The following KALRN variants were observed in gnomAD, a reference collection of about 807,000 sequenced individuals.
KALRN encodes the protein kalirin.
KALRN carries 70 observed loss-of-function variants against 353.7 expected under a neutral mutation model. The ratio of observed to expected loss-of-function variants is 0.20; its 90% confidence interval spans 0.16 to 0.24. The LOEUF is 0.24. Ranked by LOEUF, KALRN falls within the 10% of genes least tolerant of loss-of-function variation. The pLI is 1.00. For synonymous variants in KALRN, 1,391 were observed against 1,434.8 expected (o/e 0.97, Z 0.69); for missense variants, 2,791 against 3,756.7 (o/e 0.74, Z 6.72).
At chr3:124,470,856 T>G (rs1476986941) in intron 25 of KALRN, among the ~76,000 whole-genome samples, 1 of 152,218 alleles carries the variant, frequency 6.6e-6, no homozygotes, top group Non-Finnish European at 1.5e-5. Flanking sequence ...TTGTATTTAC[T>G]TCAGAGGTTT....
rs115648999 is a variant in KALRN, at chr3:124,551,532, G to A, written c.4936-11311G>A. 2.6e-3 allele frequency among the ~76,000 whole-genome samples: 398 copies of A among 152,294 alleles called. 1 individual carries two copies. Among genetic ancestry groups the A allele is most frequent in the African/African-American group, 9.4e-3 (392 of 41,548 alleles). ...CTGACCTAGAAAGAGGCAGATGCTC[G>A]AGGGTCCTGCTGGCTCCTAGCTAAG... On this transcript the variant is annotated intron_variant, in intron 33 of 59. Transcript: ENST00000682506.
chr3:124,137,369 C>T (rs1306319357), intron 1 of KALRN, among the ~76,000 whole-genome samples: 1 of 152,012 alleles, frequency 6.6e-6, no homozygotes, highest in African/African-American at 2.4e-5. Context: ...AGGCTGTGAG[C>T]CTGCTGGTCC....
At chr3:124,120,445 G>A (rs1560003823) in intron 1 of KALRN, among the ~76,000 whole-genome samples, 1 of 152,100 alleles carries the variant, frequency 6.6e-6, no homozygotes. Context: ...AAAGCTTAGC[G>A]AGCATGTTGA....
intron 33 of KALRN, among the ~76,000 whole-genome samples, chr3:124,512,990 G>A (rs1366796187): frequency 1.3e-5 from 2 of 152,280 alleles, no homozygotes; most frequent in Admixed American, 6.5e-5. Context: ...GGTGAGGGAC[G>A]AGCAGGTGCC....
chr3:124,072,323 C>T (rs1243522790), intron 1 of KALRN, among the ~76,000 whole-genome samples: 2 of 152,180 alleles, frequency 1.3e-5, no homozygotes, highest in African/African-American at 2.4e-5. Flanking sequence ...GTCTCTGTTC[C>T]TCTGTCTGTC....
chr3:124,161,452 C>T (rs183461390), intron 1 of KALRN, among the ~76,000 whole-genome samples: 2 of 152,244 alleles, frequency 1.3e-5, no homozygotes, highest in African/African-American at 2.4e-5. Flanking sequence ...GATCTGAGAT[C>T]GCTTCTCCCC....
rs937891532 is a variant in KALRN at position 124,068,137 on chromosome 3, G to T, written c.73+34324G>T. ...TGAAAATCTCATCATTGAGGGGGCA[G>T]GATGACAAAGTTTGGATAACTTAAC... is the stretch of plus-strand genomic sequence containing the variant. On this transcript the variant is annotated intron_variant, in intron 1 of 59. Transcript: ENST00000682506. 9.2e-5 allele frequency among the ~76,000 whole-genome samples: 14 copies of T among 152,202 alleles called. No individual in the cohort carries two copies. In the South Asian group the frequency reaches 1.2e-3, roughly 14 times the overall value.
At chr3:124,196,329 G>A (rs1275482034) in intron 1 of KALRN, among the ~76,000 whole-genome samples, 1 of 152,128 alleles carries the variant, frequency 6.6e-6, no homozygotes, top group Admixed American at 6.5e-5. Flanking sequence ...TCTTACTGCT[G>A]TTATTACAGA....
chr3:124,439,187 TTCTC>T lies in KALRN; in HGVS notation c.3198+161_3198+164del, dbSNP rs111880516. ...TTTCTCCTCCTCCTCCTTCTTCTCCTTCTCTCTCTCTCTCACACACACACACACA... is the reference window on the plus strand; with the variant it reads ...TTTCTCCTCCTCCTCCTTCTTCTCCTTCTCTCTCTCACACACACACACACA... On this transcript the variant is annotated intron_variant, in intron 18 of 59. Transcript: ENST00000682506. 3,515 of 478,764 alleles carry T rather than the reference TTCTC, an allele frequency of 7.3e-3. 35 individuals carry two copies. The highest frequency in any genetic ancestry group is 0.013 in the East Asian group (332 of 24,700). The allele number at this position is 478,764 out of a possible 1,614,324, so 29.7% of individuals were successfully genotyped here. A position where few individuals can be genotyped will look rare whatever the true frequency, so the allele number is the denominator to read the frequency against.
chr3:124,421,467 A>G (rs1484856862), intron 14 of KALRN, among the ~76,000 whole-genome samples: 2 of 152,224 alleles, frequency 1.3e-5, no homozygotes, highest in South Asian at 2.1e-4. Flanking sequence ...GATATTTTAC[A>G]TGCATCATCT....
chr3:124,716,552 A>C (rs1009580142), intron 58 of KALRN, among the ~76,000 whole-genome samples: 18 of 152,246 alleles, frequency 1.2e-4, no homozygotes, highest in South Asian at 4.1e-4. Context: ...ACAACAACAA[A>C]AAAAAGGTGG....
intron 3 of KALRN, among the ~76,000 whole-genome samples, chr3:124,236,143 C>CT (rs1055345473): frequency 2.7e-5 from 4 of 148,988 alleles, no homozygotes; most frequent in African/African-American, 9.7e-5. Flanking sequence ...TGAATAGTGT[C>CT]TGTTTTTTTT....
At chr3:124,622,271 A>G (rs2079363773) in intron 34 of KALRN, among the ~76,000 whole-genome samples, 2 of 152,216 alleles carry the variant, frequency 1.3e-5, no homozygotes, top group African/African-American at 4.8e-5. Context: ...GATTTCAGCC[A>G]TTGGAGTCAA....
chr3:124,233,195 A>G (rs1284128638), intron 2 of KALRN, among the ~76,000 whole-genome samples: 1 of 152,158 alleles, frequency 6.6e-6, no homozygotes, highest in Non-Finnish European at 1.5e-5. Context: ...CAGGAAAAAA[A>G]CAACAGCTAT....
At chr3:124,111,466 T>C (rs2149508034) in intron 1 of KALRN, among the ~76,000 whole-genome samples, 1 of 152,314 alleles carries the variant, frequency 6.6e-6, no homozygotes, top group South Asian at 2.1e-4. Flanking sequence ...TGAAGTTGTC[T>C]TTGCGTCCCC....
intron 25 of KALRN, among the ~76,000 whole-genome samples, chr3:124,464,318 T>C (rs547394367): frequency 1.1e-4 from 17 of 152,304 alleles, no homozygotes; most frequent in Middle Eastern, 6.8e-3. Context: ...TGCCAATCAG[T>C]TTATAAGGGG....
chr3:124,377,306 A>G (rs1560734987), intron 10 of KALRN, among the ~76,000 whole-genome samples: 1 of 152,154 alleles, frequency 6.6e-6, no homozygotes, highest in Non-Finnish European at 1.5e-5. Flanking sequence ...TCTTTGACCT[A>G]TGGGTTATTT....
At chr3:124,516,398 T>C (rs2066556260) in intron 33 of KALRN, among the ~76,000 whole-genome samples, 1 of 152,174 alleles carries the variant, frequency 6.6e-6, no homozygotes, top group Non-Finnish European at 1.5e-5. Context: ...ACCCACTCCA[T>C]GAGGTTGTGG....
At position 124,567,710 on chromosome 3, in the gene KALRN, G is replaced by A. The variant is rs1473917069; in HGVS notation, c.5182+4621G>A. Among the ~76,000 whole-genome samples the A allele has an allele frequency of 3.3e-5, 5 of 152,120 alleles. No individual in the cohort carries two copies. The East Asian group carries it at 9.6e-4, about 29-fold the overall frequency. On this transcript the variant is annotated intron_variant, in intron 34 of 59. Coordinates refer to ENST00000682506, the MANE Select transcript of KALRN (RefSeq NM_001388419.1). ...TGCACCTTAGAAACCACCTGGAGGA[G>A]GTTTCTAAAAATACTGATGCCTCAT...
Sources: gnomAD v4.1 joint callset for allele counts (sites outside exome capture counted in the v4.1 genomes callset) on GRCh38, gnomAD v4.1.1 for gene constraint, MANE v1.5 for transcripts, NCBI Gene and HGNC (gene_info 2026-07-23, HGNC 2026-07-21) for gene names.